The following SLC4A4 variants were observed in gnomAD, a reference collection of about 807,000 sequenced individuals.
SLC4A4 encodes solute carrier family 4 member 4.
Under a neutral mutation model 111.5 loss-of-function variants are expected in SLC4A4, and 27 were observed. That is an observed-to-expected ratio of 0.24 (90% CI 0.18 to 0.33). SLC4A4 has a LOEUF of 0.33. Ranked by LOEUF, SLC4A4 falls within the 10% of genes least tolerant of loss-of-function variation. The pLI, the probability that SLC4A4 is intolerant of heterozygous loss-of-function variation, is 1.00. For synonymous variants in SLC4A4, 443 were observed against 463.4 expected, an observed-to-expected ratio of 0.96 and a Z score of 0.57; for missense variants, 909 against 1,315.5, an observed-to-expected ratio of 0.69 and a Z score of 4.78.
intron 16 of SLC4A4, among the ~76,000 whole-genome samples, chr4:71,506,292 C>G (rs1448100910): frequency 6.6e-6 from 1 of 152,080 alleles, no homozygotes; most frequent in Non-Finnish European, 1.5e-5. Context: ...GCCATTTTAA[C>G]ATTTTAACAT....
At chr4:71,114,876 CA>C (rs1743203214) in intron 2 of SLC4A4, among the ~76,000 whole-genome samples, 1 of 113,030 alleles carries the variant, frequency 8.8e-6, no homozygotes, top group African/African-American at 3.8e-5. Flanking sequence ...GCTATAAAGA[CA>C]CATGCACACG....
At position 71,208,461 on chromosome 4, in the gene SLC4A4, A is replaced by C. The variant is rs1197829400; in HGVS notation, c.-2+21060A>C. Among the ~76,000 whole-genome samples, 10 of 149,746 alleles carry C rather than the reference A, an allele frequency of 6.7e-5. No individual in the cohort carries two copies. In the South Asian group the frequency reaches 1.3e-3, roughly 19 times the overall value. On this transcript the variant is annotated intron_variant, in intron 1 of 25. Transcript: ENST00000264485. ...AAAAAAAAATATATATATATATAAT[A>C]AAACAATGTTACTATTACAGGTATC...
At chr4:71,245,528 C>A (rs1319257824) in intron 2 of SLC4A4, among the ~76,000 whole-genome samples, 6 of 151,910 alleles carry the variant, frequency 3.9e-5, no homozygotes, top group African/African-American at 1.5e-4. Flanking sequence ...CTGTTATGAG[C>A]AATTTAGGGG....
chr4:71,507,707 A>C (rs973806605), intron 16 of SLC4A4, among the ~76,000 whole-genome samples: 1 of 152,208 alleles, frequency 6.6e-6, no homozygotes, highest in South Asian at 2.1e-4. Context: ...TAACAAAGGT[A>C]TTCAAGACCT....
chr4:71,266,199 T>G (rs572013642), intron 3 of SLC4A4, among the ~76,000 whole-genome samples: 1 of 152,334 alleles, frequency 6.6e-6, no homozygotes, highest in African/African-American at 2.4e-5. Context: ...CAGCTGGGTC[T>G]AGGGGAATTT....
At chr4:71,330,168 T>G (rs1378684345) in intron 3 of SLC4A4, among the ~76,000 whole-genome samples, 1 of 152,192 alleles carries the variant, frequency 6.6e-6, no homozygotes, top group African/African-American at 2.4e-5. Flanking sequence ...TTTCACTTGG[T>G]CATGATGAAT....
At chr4:71,283,403 T>G (rs1723678883) in intron 3 of SLC4A4, among the ~76,000 whole-genome samples, 1 of 152,174 alleles carries the variant, frequency 6.6e-6, no homozygotes, top group African/African-American at 2.4e-5. Flanking sequence ...TCTTTCTTGT[T>G]GTCAGAGTCA....
At chr4:71,128,049 A>T (rs185864306) in intron 2 of SLC4A4, among the ~76,000 whole-genome samples, 27 of 152,276 alleles carry the variant, frequency 1.8e-4, no homozygotes, top group Non-Finnish European at 2.9e-5. Flanking sequence ...TCGTGCCACT[A>T]CACTCCAGCC....
chr4:71,320,948 G>A (rs548824690), intron 3 of SLC4A4, among the ~76,000 whole-genome samples: 1 of 152,018 alleles, frequency 6.6e-6, no homozygotes, highest in Non-Finnish European at 1.5e-5. Context: ...ATGAACTGAG[G>A]TTATCTCTAG....
intron 3 of SLC4A4, among the ~76,000 whole-genome samples, chr4:71,273,781 A>C (rs1722877530): frequency 6.6e-6 from 1 of 151,954 alleles, no homozygotes; most frequent in African/African-American, 2.4e-5. Context: ...CAAGCGTTGC[A>C]TGCTGGAATC....
At chr4:71,508,843 T>G (rs1438536769) in intron 16 of SLC4A4, among the ~76,000 whole-genome samples, 1 of 152,162 alleles carries the variant, frequency 6.6e-6, no homozygotes. Flanking sequence ...TGAACATTGA[T>G]GCAAAAATCT....
chr4:71,107,710 G>GTTT lies in SLC4A4; in HGVS notation c.-2+14927_-2+14929dup, dbSNP rs35648709. Among the ~76,000 whole-genome samples the GTTT allele has an allele frequency of 1.3e-3, 186 of 148,478 alleles. 1 individual carries two copies. Among genetic ancestry groups the GTTT allele is most frequent in the African/African-American group, 4.5e-3 (181 of 40,462 alleles). On this transcript the variant is annotated intron_variant, in intron 2 of 26. Transcript: ENST00000649996. ...TTCTCATTTCTTTAATTTCTTTCTT[G>GTTT]TTTTTTTTTTTCTTATAAACAGAGT... is the stretch of plus-strand genomic sequence containing the variant.
intron 17 of SLC4A4, among the ~76,000 whole-genome samples, 189 bp downstream of exon 17, chr4:71,532,364 A>C (rs1416653433): frequency 6.6e-6 from 1 of 152,150 alleles, no homozygotes; most frequent in African/African-American, 2.4e-5. Flanking sequence ...TGTCAAGACT[A>C]GGGTTTTTAT....
intron 3 of SLC4A4, among the ~76,000 whole-genome samples, chr4:71,333,642 C>G (rs1424489910): frequency 1.3e-5 from 2 of 152,196 alleles, no homozygotes; most frequent in East Asian, 3.9e-4. Flanking sequence ...AGGGCAGGTA[C>G]AGAAATGCCA....
intron 16 of SLC4A4, among the ~76,000 whole-genome samples, chr4:71,510,783 C>T (rs1292596347): frequency 6.6e-6 from 1 of 151,918 alleles, no homozygotes; most frequent in Non-Finnish European, 1.5e-5. Context: ...TTTGTAGATT[C>T]TTCGTTCTTT....
intron 1 of SLC4A4, among the ~76,000 whole-genome samples, chr4:71,209,529 T>G (rs1017484805): frequency 1.3e-5 from 2 of 152,250 alleles, no homozygotes; most frequent in African/African-American, 4.8e-5. Flanking sequence ...TCATAAAATA[T>G]GAGTACCAGT....
In SLC4A4 at chr4:71,224,780, A is replaced by C. The variant is rs532552686; in HGVS notation, c.-1-11796A>C. On this transcript the variant is annotated intron_variant, in intron 1 of 25. Coordinates refer to ENST00000264485, the MANE Select transcript of SLC4A4 (RefSeq NM_001098484.3). ...TATGTATGAAGAAATATTCTTGAAG[A>C]TAATCCTTGGTGGGCATTGATTAGT... Among the ~76,000 whole-genome samples the C allele has an allele frequency of 2.6e-5, 4 of 152,354 alleles. No individual in the cohort carries two copies. In the South Asian group the frequency reaches 8.3e-4, roughly 32 times the overall value.
intron 16 of SLC4A4, among the ~76,000 whole-genome samples, chr4:71,503,221 TAG>T (rs1230383352): frequency 6.6e-6 from 1 of 151,528 alleles, no homozygotes; most frequent in Non-Finnish European, 1.5e-5. Context: ...GGATCTCTAG[TAG>T]GCAAACTATA....
intron 12 of SLC4A4, among the ~76,000 whole-genome samples, chr4:71,464,776 T>A (rs144804119): frequency 1.3e-5 from 2 of 152,296 alleles, no homozygotes; most frequent in Admixed American, 1.3e-4. Context: ...GAGGATGTGC[T>A]ATTGCTAATG....
Sources: gnomAD v4.1 joint callset for allele counts (sites outside exome capture counted in the v4.1 genomes callset) on GRCh38, gnomAD v4.1.1 for gene constraint, MANE v1.5 for transcripts, NCBI Gene and HGNC (gene_info 2026-07-23, HGNC 2026-07-21) for gene names.